The following BAHD1 variants were observed in gnomAD, a reference collection of about 807,000 sequenced individuals.
The protein encoded by BAHD1 is bromo adjacent homology domain containing 1.
Under a neutral mutation model 63.1 loss-of-function variants are expected in BAHD1, and 20 were observed. That is an observed-to-expected ratio of 0.32 (90% CI 0.22 to 0.46). The LOEUF is 0.46. BAHD1 is among the 20% of genes least tolerant of loss of function. The pLI, the probability that BAHD1 is intolerant of heterozygous loss-of-function variation, is 1.00. For synonymous variants in BAHD1, 408 were observed against 426.8 expected, an observed-to-expected ratio of 0.96 and a Z score of 0.54; for missense variants, 939 against 1,071.8, an observed-to-expected ratio of 0.88 and a Z score of 1.73.
chr15:40,455,327 C>CTGG (rs1256795713), intron 1 of BAHD1, among the ~76,000 whole-genome samples: 1 of 152,120 alleles, frequency 6.6e-6, no homozygotes. Flanking sequence ...CCCTGAGGGA[C>CTGG]TGGAAAGCTG....
In BAHD1 at chr15:40,458,959, C is replaced by T; in HGVS notation, c.495C>T (p.Ser165=). Residue 165 remains serine (S), a synonymous_variant, in exon 2 of 7, where the codon TCC becomes TCT. Transcript: ENST00000416165. The surrounding 1 kb of genome is among the most constrained non-coding windows in gnomAD (Gnocchi z 4.7). Reference sequence around the variant, plus strand: ...GTGATCGTGCTACTGGGGGCTGGTCCTCCTCCAAGAAGCGGCCCCGGCTGG... The same window carrying T: ...GTGATCGTGCTACTGGGGGCTGGTCTTCCTCCAAGAAGCGGCCCCGGCTGG... ...RDRDRATGGW[S]SSKKRPRLGD... is the part of the protein sequence containing the mutation. 6.3e-7 allele frequency: 1 copy of T among 1,588,984 alleles called. No individual in the cohort carries two copies. The highest frequency in any genetic ancestry group is 8.6e-7 in the Non-Finnish European group (1 of 1,165,592).
chr15:40,448,451 G>C (rs1011979237), intron 1 of BAHD1, among the ~76,000 whole-genome samples: 12 of 152,192 alleles, frequency 7.9e-5, no homozygotes, highest in African/African-American at 2.9e-4. Flanking sequence ...CAGCCATCCT[G>C]TGATGCCCTA....
chr15:40,466,249 T>C lies in BAHD1; in HGVS notation c.*119T>C. 1.0e-6 allele frequency: 1 copy of C among 980,476 alleles called. No homozygotes were observed. Among genetic ancestry groups the C allele is most frequent in the South Asian group, 1.7e-5 (1 of 57,144 alleles). The allele number at this position is 980,476 out of a possible 1,614,324, so 60.7% of individuals were successfully genotyped here. ...GAGGCCTAAGTTTGCTGGCCTGTGGTTTTCTTGGGGGGGAGGGCAGGGGCC... is the reference window on the plus strand; with the variant it reads ...GAGGCCTAAGTTTGCTGGCCTGTGGCTTTCTTGGGGGGGAGGGCAGGGGCC... On this transcript the variant is annotated 3_prime_UTR_variant, in exon 7 of 7. Coordinates refer to ENST00000416165, the MANE Select transcript of BAHD1 (RefSeq NM_014952.5).
intron 1 of BAHD1, among the ~76,000 whole-genome samples, chr15:40,448,512 C>T (rs986217967): frequency 6.6e-6 from 1 of 150,870 alleles, no homozygotes; most frequent in African/African-American, 2.4e-5. Flanking sequence ...GGTGTAGATG[C>T]CAGGATGGCT....
rs137889089 is a variant in BAHD1 at position 40,459,182 on chromosome 15, C to G, written c.718C>G (p.Pro240Ala). The change falls in exon 2 of 7, where the codon CCA (proline) becomes GCA (alanine). Residue 240 changes from proline to alanine, a missense_variant. Physicochemically the swap from Pro to Ala is conservative, Grantham distance 27. This residue lies in a region of BAHD1 where 797 missense variants were observed against 813.3 expected (regional missense o/e 0.98). Transcript: ENST00000416165. The stretch of plus-strand genomic sequence containing the variant: ...AGTAGATGGGCGCTCCACTGAGCCC[C>G]CAGCACCCAAGGCCCCGAGGCCAAA... Reference protein sequence around the residue: ...AEVDGRSTEPPAPKAPRPKWP... With the variant: ...AEVDGRSTEPAAPKAPRPKWP... 82 of 1,612,814 alleles carry G rather than the reference C, an allele frequency of 5.1e-5. No individual in the cohort carries two copies. The African/African-American group carries it at 8.8e-4, about 17-fold the overall frequency.
chr15:40,445,305 G>C (rs1893510273), intron 1 of BAHD1, among the ~76,000 whole-genome samples: 1 of 150,074 alleles, frequency 6.7e-6, no homozygotes, highest in Non-Finnish European at 1.5e-5. Flanking sequence ...TCTGGTTAGA[G>C]GTATAAGTTG....
upstream of BAHD1, among the ~76,000 whole-genome samples, chr15:40,438,344 C>T (rs1252597573): frequency 6.6e-6 from 1 of 152,144 alleles, no homozygotes; most frequent in East Asian, 1.9e-4. Context: ...GGGGGACAGG[C>T]AGGGTGTAGC....
Position 40,467,207 on chromosome 15 carries a change from TC to T in BAHD1, c.*1079del, listed in dbSNP as rs760742943. ...CTAAGGACTTGCATTTTCAGTTTGT[TC>T]CTGTTGCCCAGAGGCCCTGTTCTCA... On this transcript the variant is annotated 3_prime_UTR_variant, in exon 7 of 7. Transcript: ENST00000416165. 1 of 152,834 alleles carries T rather than the reference TC, an allele frequency of 6.5e-6. No homozygotes were observed. Among genetic ancestry groups the T allele is most frequent in the East Asian group, 1.9e-4 (1 of 5,210 alleles). The allele number at this position is 152,834 out of a possible 1,614,324, so 9.5% of individuals were successfully genotyped here.
chr15:40,466,218 G>T lies in BAHD1; in HGVS notation c.*88G>T. 1.8e-6 allele frequency: 2 copies of T among 1,092,144 alleles called. No homozygotes were observed. The highest frequency in any genetic ancestry group is 2.5e-6 in the Non-Finnish European group (2 of 802,988). The allele number at this position is 1,092,144 out of a possible 1,614,324, so 67.7% of individuals were successfully genotyped here. ...TTGAAGCACAGCACTTGGTTAGGGG[G>T]CCACAGAGGCCTAAGTTTGCTGGCC... On this transcript the variant is annotated 3_prime_UTR_variant, in exon 7 of 7. Transcript: ENST00000416165.
Position 40,449,287 on chromosome 15 carries a change from C to A in BAHD1, c.-15+8019C>A, listed in dbSNP as rs75308322. Among the ~76,000 whole-genome samples, 13 of 152,310 alleles carry A rather than the reference C, an allele frequency of 8.5e-5. No homozygotes were observed. In the East Asian group the frequency reaches 2.3e-3, roughly 27 times the overall value. ...ATTGACCATCCTTTTACAGTAGTCA[C>A]CTCTGCAGTGAATCAGAAATTTCCA... On this transcript the variant is annotated intron_variant, in intron 1 of 6. Transcript: ENST00000416165.
At chr15:40,464,670 G>T in intron 5 of BAHD1, 123 bp downstream of exon 5, 1 of 766,854 alleles carries the variant, frequency 1.3e-6, no homozygotes, top group East Asian at 2.7e-5. Flanking sequence ...TTGTCACTTT[G>T]GACTCCAGAG....
At chr15:40,456,036 G>A (rs141281467) in intron 1 of BAHD1, among the ~76,000 whole-genome samples, 1,523 of 152,292 alleles carry the variant, frequency 0.01, 26 homozygotes, top group African/African-American at 0.035. Flanking sequence ...GCAGTGGCAC[G>A]ATCTTGGCTC....
At chr15:40,465,845 C>A in intron 6 of BAHD1, 96 bp from the exon 7 acceptor site, 1 of 1,321,772 alleles carries the variant, frequency 7.6e-7, no homozygotes, top group Admixed American at 2.3e-5. Flanking sequence ...GCTAGGATAG[C>A]CTAGCTCTCT....
chr15:40,463,395 T>G (rs1213914145), intron 3 of BAHD1, among the ~76,000 whole-genome samples: 1 of 152,252 alleles, frequency 6.6e-6, no homozygotes, highest in Non-Finnish European at 1.5e-5. Context: ...TATTATGCCC[T>G]TTAATCCTCA....
chr15:40,460,802 T>C (rs1269937461), intron 2 of BAHD1, among the ~76,000 whole-genome samples: 1 of 152,224 alleles, frequency 6.6e-6, no homozygotes, highest in Non-Finnish European at 1.5e-5. Context: ...TGTAGGGGTC[T>C]ATAAAACAAC....
chr15:40,438,460 A>G (rs35189772), upstream of BAHD1, among the ~76,000 whole-genome samples: 18,006 of 152,142 alleles, frequency 0.12, 1,085 homozygotes, highest in Middle Eastern at 0.14. Context: ...GCCTTTAGCC[A>G]GCCCGTGTCC....
intron 1 of BAHD1, among the ~76,000 whole-genome samples, chr15:40,457,468 C>T (rs1893881746): frequency 6.6e-6 from 1 of 152,148 alleles, no homozygotes; most frequent in Non-Finnish European, 1.5e-5. Flanking sequence ...ACCTCTCCAC[C>T]ATGGGCCCCT....
At chr15:40,451,549 T>C (rs1893703828) in intron 1 of BAHD1, among the ~76,000 whole-genome samples, 1 of 152,278 alleles carries the variant, frequency 6.6e-6, no homozygotes, top group Non-Finnish European at 1.5e-5. Flanking sequence ...CTAGGCACTT[T>C]ACACACATTC....
At chr15:40,444,665 C>T (rs890821192) in intron 1 of BAHD1, among the ~76,000 whole-genome samples, 9 of 152,106 alleles carry the variant, frequency 5.9e-5, no homozygotes, top group African/African-American at 1.2e-4. Flanking sequence ...GCATCACCAA[C>T]ATAAGAGGCA....
Sources: gnomAD v4.1 joint callset for allele counts (sites outside exome capture counted in the v4.1 genomes callset) on GRCh38, gnomAD v4.1.1 for gene constraint, gnomAD v4.1.1 regional missense constraint, Gnocchi (gnomAD v3.1) non-coding constraint, MANE v1.5 for transcripts, NCBI Gene and HGNC (gene_info 2026-07-23, HGNC 2026-07-21) for gene names.